The following NETO1 variants were observed in gnomAD, a reference collection of about 807,000 sequenced individuals.
The protein encoded by NETO1 is neuropilin and tolloid like 1, also known as neuropilin and tolloid-like protein 1.
A neutral mutation model predicts 61.3 loss-of-function variants in NETO1; 26 were observed. That is an observed-to-expected ratio of 0.42 (90% CI 0.31 to 0.59). The LOEUF is 0.59. Among genes scored for constraint, NETO1 ranks in the 20% least tolerant of loss-of-function variants. The probability of loss-of-function intolerance (pLI) is 0.12; values close to 1 mark genes in which losing one functional copy is unlikely to be tolerated. For synonymous variants in NETO1, 225 were observed against 225.8 expected (o/e 1.00, Z 0.03); for missense variants, 531 against 662.8 (o/e 0.80, Z 2.18).
In NETO1 at chr18:72,785,762, CA is replaced by C. The variant is rs147772927; in HGVS notation, c.640-1857del. Among the ~76,000 whole-genome samples, 11 of 152,206 alleles carry C rather than the reference CA, an allele frequency of 7.2e-5. No individual in the cohort carries two copies. In the East Asian group the frequency reaches 9.7e-4, roughly 13 times the overall value. On this transcript the variant is annotated intron_variant, in intron 6 of 10. Transcript: ENST00000327305. Reference sequence around the variant, plus strand: ...TATCTCCCAACATTATAACCATTTTCAAAAAATCCACCCTTTATGAACATGA... The same window carrying C: ...TATCTCCCAACATTATAACCATTTTCAAAAATCCACCCTTTATGAACATGA...
At chr18:72,804,462 C>A (rs530976963) in intron 4 of NETO1, among the ~76,000 whole-genome samples, 1 of 152,184 alleles carries the variant, frequency 6.6e-6, no homozygotes, top group Non-Finnish European at 1.5e-5. Flanking sequence ...ATATCAGAGG[C>A]CTCCTCATTT....
At chr18:72,842,381 T>C (rs2073961864) in intron 4 of NETO1, among the ~76,000 whole-genome samples, 1 of 152,186 alleles carries the variant, frequency 6.6e-6, no homozygotes, top group South Asian at 2.1e-4. Flanking sequence ...AGCACTGTTA[T>C]TGCTAATATT....
Position 72,783,869 on chromosome 18 carries a change from G to A in NETO1, c.677C>T (p.Ser226Leu). ...CACAAAATTCCTCTTGCACTCATTT[G>A]AATTCTGCATCTCATAGTCCAAGAA... ...LRFLDYEMQN[S>L]NECKRNFVAV... is the part of the protein sequence containing the mutation. The change falls in exon 7 of 11, where the codon TCA becomes TTA. Residue 226 changes from serine to leucine, a missense_variant. Transcript: ENST00000327305. The A allele has an allele frequency of 6.2e-7, 1 of 1,613,816 alleles. No homozygotes were observed. The highest frequency in any genetic ancestry group is 8.5e-7 in the Non-Finnish European group (1 of 1,179,782).
At chr18:72,762,923 C>G (rs1490693499) in intron 7 of NETO1, among the ~76,000 whole-genome samples, 1 of 152,088 alleles carries the variant, frequency 6.6e-6, no homozygotes, top group African/African-American at 2.4e-5. Flanking sequence ...CCACAACACT[C>G]AAAATAAAGG....
intron 10 of NETO1, 122 bp from the exon 11 acceptor site, chr18:72,748,286 C>T (rs1206376676): frequency 1.0e-6 from 1 of 984,384 alleles, no homozygotes; most frequent in Non-Finnish European, 1.2e-6. Context: ...AGTTGATAGG[C>T]TTGAGGAGTT....
At chr18:72,757,067 A>T (rs529914492) in intron 7 of NETO1, among the ~76,000 whole-genome samples, 1 of 152,258 alleles carries the variant, frequency 6.6e-6, no homozygotes, top group East Asian at 1.9e-4. Flanking sequence ...CACTCCATGT[A>T]TCAGATAAAA....
rs73966679 is a variant in NETO1 at position 72,830,212 on chromosome 18, C to A, written c.469+28614G>T. 6.6e-6 allele frequency among the ~76,000 whole-genome samples: 1 copy of A among 152,078 alleles called. No individual in the cohort carries two copies. The highest frequency in any genetic ancestry group is 2.4e-5 in the African/African-American group (1 of 41,400). ...GGAAGCGGCGGCACAGGGAAGGAAG[C>A]AGCCCTCCCAAGAGACGGGAACAGC... On this transcript the variant is annotated intron_variant, in intron 4 of 10. Transcript: ENST00000327305. This position sits in a 1 kb window ranked among gnomAD's most constrained non-coding sequence, Gnocchi z 4.9.
Position 72,858,902 on chromosome 18 carries a change from T to A in NETO1, c.393A>T (p.Arg131Ser). ...QNPPVIKSSG[R>S]FLWIKFFADG... ...CAGCAAAAAATTTAATCCATAGAAATCTTCCACTGGATTTTATGACAGGTG... is the reference window on the plus strand; with the variant it reads ...CAGCAAAAAATTTAATCCATAGAAAACTTCCACTGGATTTTATGACAGGTG... The change falls in exon 4 of 11, where the codon AGA becomes AGT. Residue 131 changes from arginine (R) to serine (S), a missense_variant. Arg to Ser is a moderately radical substitution (Grantham distance 110). Transcript: ENST00000327305. 1 of 1,613,872 alleles carries A rather than the reference T, an allele frequency of 6.2e-7. No homozygotes were observed. Among genetic ancestry groups the A allele is most frequent in the South Asian group, 1.1e-5 (1 of 91,064 alleles).
chr18:72,833,623 C>A (rs1419920269), intron 4 of NETO1, among the ~76,000 whole-genome samples: 1 of 152,164 alleles, frequency 6.6e-6, no homozygotes, highest in Non-Finnish European at 1.5e-5. Flanking sequence ...CCGAACCCAA[C>A]TACAGGCCTG....
intron 4 of NETO1, among the ~76,000 whole-genome samples, chr18:72,808,677 G>C (rs556006650): frequency 1.3e-5 from 2 of 152,336 alleles, no homozygotes; most frequent in South Asian, 4.1e-4. Flanking sequence ...ACACAATAAA[G>C]CTGTACAAGC....
chr18:72,763,412 C>T (rs2071045432), intron 7 of NETO1, among the ~76,000 whole-genome samples: 1 of 152,118 alleles, frequency 6.6e-6, no homozygotes, highest in African/African-American at 2.4e-5. Flanking sequence ...TCTTCACCTC[C>T]CCTCCCCAGT....
intron 7 of NETO1, among the ~76,000 whole-genome samples, chr18:72,779,847 C>T (rs537081345): frequency 2.6e-5 from 4 of 152,246 alleles, no homozygotes; most frequent in East Asian, 1.9e-4. Context: ...TTGTTTCCCA[C>T]GGTTCTGGAT....
intron 7 of NETO1, among the ~76,000 whole-genome samples, chr18:72,762,754 C>G (rs534795731): frequency 2.6e-5 from 4 of 152,140 alleles, no homozygotes; most frequent in Non-Finnish European, 5.9e-5. Flanking sequence ...AGTGAAGGAG[C>G]TTTTGACTCC....
At chr18:72,834,161 A>C (rs923042361) in intron 4 of NETO1, 58 of 719,086 alleles carry the variant, frequency 8.1e-5, no homozygotes, top group Non-Finnish European at 9.7e-5. Flanking sequence ...TGTTTAAAAA[A>C]CATTTTAATA....
chr18:72,844,266 A>G (rs2074019185), intron 4 of NETO1, among the ~76,000 whole-genome samples: 1 of 152,190 alleles, frequency 6.6e-6, no homozygotes, highest in Admixed American at 6.5e-5. Flanking sequence ...ATTGTCACAG[A>G]CACTACTGTA....
At chr18:72,752,534 C>T (rs1158421641) in intron 8 of NETO1, among the ~76,000 whole-genome samples, 1 of 151,992 alleles carries the variant, frequency 6.6e-6, no homozygotes, top group Non-Finnish European at 1.5e-5. Flanking sequence ...ACTACAAGTC[C>T]TGGGAGGAAG....
At chr18:72,851,567 T>C (rs897260314) in intron 4 of NETO1, among the ~76,000 whole-genome samples, 15 of 152,130 alleles carry the variant, frequency 9.9e-5, no homozygotes, top group Non-Finnish European at 2.1e-4. Context: ...TAATAATAGG[T>C]ATTTGAGAAG....
At chr18:72,801,877 TAGAA>T (rs2072519299) in intron 4 of NETO1, among the ~76,000 whole-genome samples, 1 of 152,118 alleles carries the variant, frequency 6.6e-6, no homozygotes, top group South Asian at 2.1e-4. Flanking sequence ...ACATCTGTCT[TAGAA>T]AGGGGAGATG....
At chr18:72,808,750 C>T (rs933310105) in intron 4 of NETO1, among the ~76,000 whole-genome samples, 3 of 152,212 alleles carry the variant, frequency 2.0e-5, no homozygotes, top group Non-Finnish European at 4.4e-5. Flanking sequence ...GAATATTAGA[C>T]CCTTCTAAAT....
Sources: allele counts gnomAD v4.1 joint callset (sites outside exome capture counted in the v4.1 genomes callset), GRCh38; gene constraint gnomAD v4.1.1; non-coding constraint Gnocchi (gnomAD v3.1); transcripts MANE v1.5; gene names NCBI Gene and HGNC (gene_info 2026-07-23, HGNC 2026-07-21).